CENPW: variants seen among roughly 807,000 people sequenced by gnomAD.
CENPW encodes the protein cancer-up-regulated gene 2 protein.
Under a neutral mutation model 11.1 loss-of-function variants are expected in CENPW, and 3 were observed. The ratio of observed to expected loss-of-function variants is 0.27; its 90% CI spans 0.12 to 0.70. The LOEUF is 0.70. CENPW is among the 30% of genes least tolerant of loss of function. The pLI is 0.77. For missense variants in CENPW, 100 were observed against 105.6 expected, an observed-to-expected ratio of 0.95 and a Z score of 0.23; for synonymous variants, 38 against 42.0, an observed-to-expected ratio of 0.91 and a Z score of 0.37.
the CENPW span, among the ~76,000 whole-genome samples, chr6:126,411,230 C>T: frequency 2.6e-5 from 4 of 152,304 alleles, no homozygotes; most frequent in East Asian, 5.8e-4. Flanking sequence ...GTAGTCTCTG[C>T]AGATTCTTCA....
At chr6:126,351,674 G>A (rs974607070), downstream of CENPW, among the ~76,000 whole-genome samples, 7 of 151,896 alleles carry the variant, frequency 4.6e-5, no homozygotes, top group Non-Finnish European at 1.0e-4. Flanking sequence ...ACTGTTTTTG[G>A]CCACATATTT....
At chr6:126,477,346 T>A in the CENPW span, among the ~76,000 whole-genome samples, 1 of 151,960 alleles carries the variant, frequency 6.6e-6, no homozygotes, top group South Asian at 2.1e-4. Flanking sequence ...CAAAAGAGAT[T>A]GGCATGAGAA....
At chr6:126,438,008 C>T in the CENPW span, among the ~76,000 whole-genome samples, 2 of 151,244 alleles carry the variant, frequency 1.3e-5, no homozygotes, top group Admixed American at 1.3e-4. Context: ...ATTGGAAAAC[C>T]ATGGGAGATT....
chr6:126,364,575 T>C, the CENPW span, among the ~76,000 whole-genome samples: 1 of 152,222 alleles, frequency 6.6e-6, no homozygotes, highest in Non-Finnish European at 1.5e-5. Context: ...ACCATCCTAA[T>C]GTATATAAGC....
At chr6:126,454,525 A>G in the CENPW span, among the ~76,000 whole-genome samples, 2 of 151,420 alleles carry the variant, frequency 1.3e-5, no homozygotes, top group African/African-American at 2.4e-5. Flanking sequence ...GAAATTAATG[A>G]GAACAAAGGT....
the CENPW span, among the ~76,000 whole-genome samples, chr6:126,416,890 A>G: frequency 3.3e-5 from 5 of 152,208 alleles, no homozygotes; most frequent in African/African-American, 1.2e-4. Flanking sequence ...GTTGGAGCCC[A>G]CACACAGAGT....
chr6:126,460,846 C>G, the CENPW span, among the ~76,000 whole-genome samples: 1 of 151,666 alleles, frequency 6.6e-6, no homozygotes, highest in Non-Finnish European at 1.5e-5. Flanking sequence ...GCAGGCCCAA[C>G]AAGGCAGACA....
the CENPW span, among the ~76,000 whole-genome samples, chr6:126,457,831 C>A: frequency 6.6e-6 from 1 of 151,272 alleles, no homozygotes; most frequent in African/African-American, 2.4e-5. Flanking sequence ...TTACAAGAGG[C>A]AATATACACT....
At chr6:126,459,623 G>T in the CENPW span, among the ~76,000 whole-genome samples, 1 of 151,458 alleles carries the variant, frequency 6.6e-6, no homozygotes, top group Non-Finnish European at 1.5e-5. Flanking sequence ...GTAAAATATG[G>T]CATGGTGTCT....
the CENPW span, among the ~76,000 whole-genome samples, chr6:126,432,495 A>AT: frequency 1.3e-5 from 2 of 151,686 alleles, no homozygotes; most frequent in Non-Finnish European, 2.9e-5. Flanking sequence ...TAGCTTTTTA[A>AT]TTTTTTTTCC....
chr6:126,376,981 A>G, the CENPW span, among the ~76,000 whole-genome samples: 1 of 152,180 alleles, frequency 6.6e-6, no homozygotes, highest in African/African-American at 2.4e-5. Context: ...TAAAGGTGAT[A>G]TTCAACTTTT....
At chr6:126,421,308 C>A in the CENPW span, among the ~76,000 whole-genome samples, 3 of 152,212 alleles carry the variant, frequency 2.0e-5, no homozygotes, top group South Asian at 4.1e-4. Flanking sequence ...CCTGTCATTA[C>A]TGTCTATGTA....
At chr6:126,421,855 T>A in the CENPW span, among the ~76,000 whole-genome samples, 1 of 152,276 alleles carries the variant, frequency 6.6e-6, no homozygotes, top group East Asian at 1.9e-4. Context: ...TTGAGTTCCT[T>A]CTAGCTTTCT....
the CENPW span, among the ~76,000 whole-genome samples, chr6:126,422,326 C>T: frequency 6.6e-6 from 1 of 152,042 alleles, no homozygotes; most frequent in African/African-American, 2.4e-5. Flanking sequence ...ATACAATGTA[C>T]TGGGTAGCTT....
At chr6:126,428,211 T>A in the CENPW span, among the ~76,000 whole-genome samples, 1,054 of 152,314 alleles carry the variant, frequency 6.9e-3, 12 homozygotes, top group African/African-American at 0.024. Context: ...TGACATTTAT[T>A]TCTTAGGTGC....
the CENPW span, among the ~76,000 whole-genome samples, chr6:126,454,681 A>G: frequency 4.6e-5 from 7 of 151,258 alleles, no homozygotes; most frequent in Admixed American, 1.3e-4. Context: ...ACAAGAGGAA[A>G]ACAATCCCAA....
the CENPW span, among the ~76,000 whole-genome samples, chr6:126,410,264 A>G: frequency 6.6e-6 from 1 of 152,152 alleles, no homozygotes; most frequent in African/African-American, 2.4e-5. Context: ...GGCTTTTCTA[A>G]GTATTATAAT....
the CENPW span, among the ~76,000 whole-genome samples, chr6:126,477,087 A>G: frequency 6.6e-6 from 1 of 152,038 alleles, no homozygotes; most frequent in East Asian, 1.9e-4. Context: ...GGATAACACC[A>G]TATTGGGATT....
chr6:126,354,879 AC>A, the CENPW span, among the ~76,000 whole-genome samples: 43 of 152,254 alleles, frequency 2.8e-4, no homozygotes, highest in East Asian at 7.7e-3. Flanking sequence ...GGTTTGCTCA[AC>A]TGTTGCAATT....
Sources: allele counts gnomAD v4.1 joint callset (sites outside exome capture counted in the v4.1 genomes callset), GRCh38; gene constraint gnomAD v4.1.1; transcripts MANE v1.5; gene names NCBI Gene and HGNC (gene_info 2026-07-23, HGNC 2026-07-21).